The following DIAPH2 variants were observed in gnomAD, a reference collection of about 807,000 sequenced individuals.
DIAPH2 encodes protein diaphanous homolog 2.
In DIAPH2, 35 loss-of-function variants were observed where a neutral mutation model predicts 92.7. That is an observed-to-expected ratio of 0.38 (90% CI 0.29 to 0.50). DIAPH2 has a LOEUF of 0.50. DIAPH2 is among the 20% of genes least tolerant of loss of function. The probability of loss-of-function intolerance (pLI) is 0.94; values close to 1 mark genes in which losing one functional copy is unlikely to be tolerated. For synonymous variants in DIAPH2, 301 were observed against 280.4 expected (o/e 1.07, Z -0.73); for missense variants, 701 against 819.5 (o/e 0.86, Z 1.77).
intron 1 of DIAPH2, among the ~76,000 whole-genome samples, chrX:96,691,429 T>C (rs1371756857): frequency 1.8e-5 from 2 of 112,450 alleles, no homozygotes; most frequent in East Asian, 2.8e-4. Flanking sequence ...GATTAAGATA[T>C]ATTTTCACAT....
Position 97,345,163 on chromosome X carries a change from G to C in DIAPH2, c.2845-2953G>C, listed in dbSNP as rs180708530. ...AGAATGTTTTTATATGAAGCATTAC[G>C]TGTACCCTTCCATTGCTAAAAAGGA... On this transcript the variant is annotated intron_variant, in intron 23 of 26. Coordinates refer to ENST00000324765, the MANE Select transcript of DIAPH2 (RefSeq NM_006729.5). Among the ~76,000 whole-genome samples the C allele has an allele frequency of 1.9e-4, 21 of 111,843 alleles. No homozygotes were observed. The Admixed American group carries it at 2.0e-3, about 11-fold the overall frequency.
At chrX:97,432,482 T>C (rs1159898186) in intron 26 of DIAPH2, among the ~76,000 whole-genome samples, 1 of 108,190 alleles carries the variant, frequency 9.2e-6, no homozygotes, top group Non-Finnish European at 1.9e-5. Context: ...TTTATTTTAT[T>C]TTTATTTTTA....
At chrX:97,436,332 C>T (rs1010098414) in intron 26 of DIAPH2, among the ~76,000 whole-genome samples, 2 of 110,807 alleles carry the variant, frequency 1.8e-5, no homozygotes, top group African/African-American at 6.6e-5. Context: ...AAAAAACACA[C>T]AAGAGAAGCA....
intron 23 of DIAPH2, among the ~76,000 whole-genome samples, chrX:97,336,243 C>CTTTTTTTTT (rs1186112131): frequency 5.5e-5 from 5 of 91,738 alleles, no homozygotes; most frequent in Non-Finnish European, 4.4e-5. Flanking sequence ...CTTTTCTTTT[C>CTTTTTTTTT]TTTTTTTTTT....
At chrX:97,307,774 G>C (rs1418470724) in intron 23 of DIAPH2, among the ~76,000 whole-genome samples, 1 of 108,848 alleles carries the variant, frequency 9.2e-6, no homozygotes, top group East Asian at 2.9e-4. Flanking sequence ...CGGGCGTGGT[G>C]GCGCATGCCT....
At chrX:97,371,620 C>T (rs920833973) in intron 24 of DIAPH2, among the ~76,000 whole-genome samples, 1 of 111,383 alleles carries the variant, frequency 9.0e-6, no homozygotes. Flanking sequence ...CCTTCCTGTT[C>T]TGTGAGTCTA....
chrX:96,852,962 T>C lies in DIAPH2; in HGVS notation c.448-28617T>C, dbSNP rs1162266995. 2.7e-5 allele frequency among the ~76,000 whole-genome samples: 3 copies of C among 111,348 alleles called. No homozygotes were observed. The Admixed American group carries it at 2.9e-4, about 11-fold the overall frequency. ...AAGTCTGATTTTCAAAATAACCCAC[T>C]GAAGAGTACAGGGATTATTATCCCT... On this transcript the variant is annotated intron_variant, in intron 4 of 26. Transcript: ENST00000324765.
intron 26 of DIAPH2, among the ~76,000 whole-genome samples, chrX:97,582,410 T>G (rs1316626358): frequency 2.1e-5 from 2 of 97,509 alleles, no homozygotes; most frequent in Non-Finnish European, 4.1e-5. Context: ...TAAAGTATTT[T>G]ATTTCTCCTT....
intron 22 of DIAPH2, among the ~76,000 whole-genome samples, chrX:97,215,341 A>C (rs1050088416): frequency 3.6e-5 from 4 of 111,761 alleles, no homozygotes; most frequent in Non-Finnish European, 7.5e-5. Context: ...TTCTAATGCA[A>C]GAATTCAACT....
At chrX:97,275,322 T>TC (rs2068433524) in intron 23 of DIAPH2, among the ~76,000 whole-genome samples, 1 of 12,489 alleles carries the variant, frequency 8.0e-5, no homozygotes, top group African/African-American at 1.4e-4. Context: ...GCGGGGGCTG[T>TC]CCCCCCGCCC....
chrX:97,320,046 G>A (rs2068877485), intron 23 of DIAPH2, among the ~76,000 whole-genome samples: 1 of 105,970 alleles, frequency 9.4e-6, no homozygotes, highest in South Asian at 4.3e-4. Context: ...GTTCCAGCGA[G>A]CCAAGATTGC....
intron 17 of DIAPH2, among the ~76,000 whole-genome samples, chrX:97,022,767 T>C (rs1277747291): frequency 8.9e-6 from 1 of 112,162 alleles, no homozygotes; most frequent in East Asian, 2.8e-4. Context: ...AAAATGTTAG[T>C]ATGTTGCTGG....
At chrX:97,521,498 T>C (rs918996998) in intron 26 of DIAPH2, among the ~76,000 whole-genome samples, 20 of 111,979 alleles carry the variant, frequency 1.8e-4, no homozygotes, top group South Asian at 1.1e-3. Context: ...AATCTTGATA[T>C]GGTTTGGCTG....
chrX:97,418,947 A>G (rs1198822925), intron 25 of DIAPH2, among the ~76,000 whole-genome samples: 1 of 111,671 alleles, frequency 9.0e-6, no homozygotes, highest in Non-Finnish European at 1.9e-5. Context: ...CTTCAATTGC[A>G]AGTAGACTTA....
chrX:96,731,750 A>C (rs762194240), intron 1 of DIAPH2, among the ~76,000 whole-genome samples: 1 of 111,753 alleles, frequency 8.9e-6, no homozygotes, highest in South Asian at 3.7e-4. Flanking sequence ...CACAATATTC[A>C]TATAATACTG....
chrX:96,702,756 C>G lies in DIAPH2; in HGVS notation c.132+17566C>G, dbSNP rs1015777864. ...GTTGTGGAGACTGGAAGTCCAAGAT[C>G]AGGGTACCAGCTTGATAGAGTTCTG... On this transcript the variant is annotated intron_variant, in intron 1 of 26. Coordinates refer to ENST00000324765, the MANE Select transcript of DIAPH2 (RefSeq NM_006729.5). Among the ~76,000 whole-genome samples, 3 of 111,898 alleles carry G rather than the reference C, an allele frequency of 2.7e-5. No individual in the cohort carries two copies. In the Admixed American group the frequency reaches 2.8e-4, roughly 11 times the overall value.
At chrX:97,333,503 C>A (rs1161156142) in intron 23 of DIAPH2, among the ~76,000 whole-genome samples, 1 of 110,963 alleles carries the variant, frequency 9.0e-6, no homozygotes, top group African/African-American at 3.3e-5. Flanking sequence ...TCAATATTCC[C>A]CTCTCTCTAG....
At chrX:97,432,772 C>T in intron 26 of DIAPH2, among the ~76,000 whole-genome samples, 1 of 111,323 alleles carries the variant, frequency 9.0e-6, no homozygotes, top group Non-Finnish European at 1.9e-5. Flanking sequence ...CAGGCGTGAG[C>T]CACCATGCCC....
At chrX:97,268,870 T>A (rs1376198861) in intron 23 of DIAPH2, among the ~76,000 whole-genome samples, 1 of 101,884 alleles carries the variant, frequency 9.8e-6, no homozygotes, top group Admixed American at 1.1e-4. Context: ...TTTTTTTTTT[T>A]TTTTGAGACA....
Sources: allele counts gnomAD v4.1 joint callset (sites outside exome capture counted in the v4.1 genomes callset), GRCh38; gene constraint gnomAD v4.1.1; transcripts MANE v1.5; gene names NCBI Gene and HGNC (gene_info 2026-07-23, HGNC 2026-07-21).